The following TASOR variants were observed in gnomAD, a reference collection of about 807,000 sequenced individuals.
TASOR encodes protein TASOR.
In TASOR, 53 loss-of-function variants were observed where a neutral mutation model predicts 178.6. The observed-to-expected ratio is 0.30, with a 90% CI of 0.24 to 0.37. The LOEUF is 0.37. Among genes scored for constraint, TASOR ranks in the 10% least tolerant of loss-of-function variants. The pLI, the probability that TASOR is intolerant of heterozygous loss-of-function variation, is 1.00. For missense variants in TASOR, 1,815 were observed against 1,971.4 expected (o/e 0.92, Z 1.50); for synonymous variants, 713 against 696.2 (o/e 1.02, Z -0.38).
intron 17 of TASOR, among the ~76,000 whole-genome samples, chr3:56,637,372 A>C (rs774242577): frequency 2.0e-5 from 3 of 152,170 alleles, no homozygotes; most frequent in African/African-American, 7.2e-5. Flanking sequence ...AACTACAAAA[A>C]TCAGCCGGGT....
chr3:56,653,268 AAAAAAAAAAAAAAAAAAAAAAG>A (rs1314439381), intron 11 of TASOR, among the ~76,000 whole-genome samples: 5 of 113,128 alleles, frequency 4.4e-5, no homozygotes, highest in African/African-American at 9.9e-5. Flanking sequence ...ATCTCAAAAA[AAAAAAAAAAAAAAAAAAAAAAG>A]AAAAGACAAG....
Position 56,623,301 on chromosome 3 carries a change from G to C in TASOR, c.4749C>G (p.Asn1583Lys), listed in dbSNP as rs1001377152. The C allele has an allele frequency of 2.5e-6, 4 of 1,613,336 alleles. No homozygotes were observed. In the African/African-American group the frequency reaches 4.0e-5, roughly 16 times the overall value. The change falls in exon 24 of 24, where the codon AAC becomes AAG. Residue 1583 changes from asparagine (N) to lysine (K), a missense_variant. This residue lies in a region of TASOR where 278 missense variants were observed against 257.1 expected (regional missense o/e 1.08). Coordinates refer to ENST00000683822, the MANE Select transcript of TASOR (RefSeq NM_001365635.2). ...SIDIVCSEGENSNSTEQDSYS... is the reference protein window; with the variant it reads ...SIDIVCSEGEKSNSTEQDSYS... ...ATGAATCTTGTTCTGTTGAATTGCT[G>C]TTCTCTCCTTCAGAGCATACTATAT... is the stretch of plus-strand genomic sequence containing the variant.
intron 1 of TASOR, among the ~76,000 whole-genome samples, chr3:56,681,186 A>C (rs1310028876): frequency 1.3e-5 from 2 of 152,144 alleles, no homozygotes; most frequent in Non-Finnish European, 2.9e-5. Context: ...TGAAGAAAAA[A>C]AATAGTTCCA....
At chr3:56,661,457 T>C (rs556836444) in intron 9 of TASOR, among the ~76,000 whole-genome samples, 1 of 152,162 alleles carries the variant, frequency 6.6e-6, no homozygotes, top group South Asian at 2.1e-4. Flanking sequence ...TGCCCAGCAG[T>C]AAAGGGGATT....
chr3:56,623,552 C>T lies in TASOR; in HGVS notation c.4498G>A (p.Asp1500Asn), dbSNP rs2076734430. Reference sequence around the variant, plus strand: ...GACATATCCTCTTCATCCTTTTCATCGTTTTCTAAAAGAGCTACATTTAAA... The same window carrying T: ...GACATATCCTCTTCATCCTTTTCATTGTTTTCTAAAAGAGCTACATTTAAA... ...LESQSALLEN[D>N]EKDEEDMSLD... is the part of the protein sequence containing the mutation. Residue 1500 changes from aspartate to asparagine, a missense_variant, in exon 24 of 24, where the codon GAT (aspartate) becomes AAT (asparagine). Physicochemically the swap from Asp to Asn is conservative, Grantham distance 23 (BLOSUM62 1). Transcript: ENST00000683822. 6 of 1,571,482 alleles carry T rather than the reference C, an allele frequency of 3.8e-6. No individual in the cohort carries two copies. The highest frequency in any genetic ancestry group is 5.1e-6 in the Non-Finnish European group (6 of 1,167,372).
In TASOR at chr3:56,668,659, C is replaced by T. The variant is rs1403998488; in HGVS notation, c.736-101G>A. On this transcript the variant is annotated intron_variant, in intron 5 of 23. Transcript: ENST00000683822. ...TTCTTTGAATATAGATCAACTATCC[C>T]AACCATTTTTTCCCTTTAATATCTC... 2.3e-5 allele frequency: 21 copies of T among 910,838 alleles called. 1 individual carries two copies. In the East Asian group the frequency reaches 5.9e-4, roughly 26 times the overall value. 56.4% of individuals were successfully genotyped at this position (910,838 alleles called of 1,614,324 possible). A position where few individuals can be genotyped will look rare whatever the true frequency, so the allele number is the denominator to read the frequency against.
intron 11 of TASOR, among the ~76,000 whole-genome samples, chr3:56,655,936 G>C (rs2077459335): frequency 6.6e-6 from 1 of 152,190 alleles, no homozygotes; most frequent in Non-Finnish European, 1.5e-5. Context: ...TGATGAGATG[G>C]AAGTGAGGCT....
intron 17 of TASOR, 51 bp downstream of exon 17, chr3:56,638,655 C>A: frequency 6.3e-7 from 1 of 1,591,864 alleles, no homozygotes; most frequent in Non-Finnish European, 8.6e-7. Context: ...ATGCAAGTAG[C>A]AACTCTGAAG....
At chr3:56,627,851 T>A (rs1363386916) in intron 19 of TASOR, 110 bp from the exon 20 acceptor site, 1 of 877,964 alleles carries the variant, frequency 1.1e-6, no homozygotes, top group Non-Finnish European at 1.8e-6. Context: ...GGCTCATCTA[T>A]ATTAGTGGAT....
intron 6 of TASOR, among the ~76,000 whole-genome samples, chr3:56,667,305 A>G (rs962168636): frequency 5.9e-5 from 9 of 152,232 alleles, no homozygotes; most frequent in South Asian, 2.1e-4. Context: ...GGAAGTTAAC[A>G]TTACTACTTT....
rs778029610 is a variant in TASOR, at chr3:56,633,478, T to C, written c.3313A>G (p.Asn1105Asp). Residue 1105 changes from asparagine (N) to aspartate (D), a missense_variant, in exon 18 of 24, where the codon AAC becomes GAC. By Grantham distance (23) the Asn-to-Asp change is conservative. This residue lies in a region of TASOR where 655 missense variants were observed against 671.1 expected (regional missense o/e 0.98). Coordinates refer to ENST00000683822, the MANE Select transcript of TASOR (RefSeq NM_001365635.2). ...KGGNLPPVSP[N>D]DSGAKIASNP... Reference sequence around the variant, plus strand: ...GATGCTATCTTAGCACCAGAATCGTTAGGACTGACTGGTGGCAAATTCCCA... The same window carrying C: ...GATGCTATCTTAGCACCAGAATCGTCAGGACTGACTGGTGGCAAATTCCCA... The C allele has an allele frequency of 1.4e-5, 23 of 1,614,070 alleles. No homozygotes were observed. The highest frequency in any genetic ancestry group is 1.9e-5 in the Non-Finnish European group (23 of 1,180,030).
intron 14 of TASOR, among the ~76,000 whole-genome samples, chr3:56,642,677 C>T (rs1043200934): frequency 6.6e-6 from 1 of 152,032 alleles, no homozygotes; most frequent in African/African-American, 2.4e-5. Flanking sequence ...CACAAAGCAA[C>T]ATATAAAAAT....
At chr3:56,625,757 G>A (rs1012250025) in intron 21 of TASOR, among the ~76,000 whole-genome samples, 1 of 151,662 alleles carries the variant, frequency 6.6e-6, no homozygotes, top group African/African-American at 2.4e-5. Context: ...CCGAGTAGCT[G>A]GGACTACAGG....
chr3:56,641,958 T>C (rs555639458), intron 14 of TASOR, among the ~76,000 whole-genome samples: 3 of 152,236 alleles, frequency 2.0e-5, no homozygotes, highest in Non-Finnish European at 4.4e-5. Context: ...AAGTTTAATT[T>C]CCATTGTAAT....
At chr3:56,670,856 G>C (rs1218385733) in intron 3 of TASOR, among the ~76,000 whole-genome samples, 1 of 141,184 alleles carries the variant, frequency 7.1e-6, no homozygotes, top group Non-Finnish European at 1.5e-5. Context: ...AGAATCACTT[G>C]TATCTGGGAG....
Position 56,622,932 on chromosome 3 carries a change from GAA to G in TASOR, c.*103_*104del. ...ACAGGCCATCATGATTTAAATAAAAGAAAAAACATTTGAGAAAGAACAAGAAC... is the reference window on the plus strand; with the variant it reads ...ACAGGCCATCATGATTTAAATAAAAGAAAACATTTGAGAAAGAACAAGAAC... On this transcript the variant is annotated 3_prime_UTR_variant, in exon 24 of 24. Coordinates refer to ENST00000683822, the MANE Select transcript of TASOR (RefSeq NM_001365635.2). 1 of 713,954 alleles carries G rather than the reference GAA, an allele frequency of 1.4e-6. No individual in the cohort carries two copies. Among genetic ancestry groups the G allele is most frequent in the South Asian group, 3.5e-5 (1 of 28,792 alleles). The allele number at this position is 713,954 out of a possible 1,614,324, so 44.2% of individuals were successfully genotyped here.
At chr3:56,668,643 T>A in intron 5 of TASOR, 85 bp from the exon 6 acceptor site, 1 of 1,015,186 alleles carries the variant, frequency 9.9e-7, no homozygotes, top group Non-Finnish European at 1.4e-6. Context: ...CTTCTTTGAA[T>A]ATAGATCAAC....
At chr3:56,641,806 T>A in intron 14 of TASOR, 54 bp from the exon 15 acceptor site, 7 of 1,512,306 alleles carry the variant, frequency 4.6e-6, no homozygotes, top group Non-Finnish European at 6.2e-6. Context: ...AGCATAAAAC[T>A]TTTAAAATCA....
rs114419284 is a variant in TASOR at position 56,667,373 on chromosome 3, C to T, written c.898-989G>A. 3.1e-3 allele frequency among the ~76,000 whole-genome samples: 474 copies of T among 151,916 alleles called. 4 individuals are homozygous for T. The highest frequency in any genetic ancestry group is 0.011 in the African/African-American group (443 of 41,396). ...TTTTAATGTTAAAAAGAACAGGTGC[C>T]GGGTGTGGTGGCTCACAGTTGTAAT... On this transcript the variant is annotated intron_variant, in intron 6 of 23. Transcript: ENST00000683822.
Sources: allele counts gnomAD v4.1 joint callset (sites outside exome capture counted in the v4.1 genomes callset), GRCh38; gene constraint gnomAD v4.1.1; regional missense constraint gnomAD v4.1.1; transcripts MANE v1.5; gene names NCBI Gene and HGNC (gene_info 2026-07-23, HGNC 2026-07-21).